The following COL23A1 variants were observed in gnomAD, a reference collection of about 807,000 sequenced individuals.
The protein encoded by COL23A1 is collagen alpha-1(XXIII) chain.
COL23A1 carries 97 observed loss-of-function variants against 99.3 expected under a neutral mutation model. That is an observed-to-expected ratio of 0.98 (90% CI 0.83 to 1.16). The LOEUF (loss-of-function observed/expected upper bound fraction) is 1.16. COL23A1 is among the 50% of genes most tolerant of loss of function. The pLI is 0.00. For missense variants in COL23A1, 762 were observed against 757.4 expected, an observed-to-expected ratio of 1.01 and a Z score of -0.07; for synonymous variants, 320 against 308.2, an observed-to-expected ratio of 1.04 and a Z score of -0.40.
At chr5:178,351,062 G>C (rs1761295591) in intron 2 of COL23A1, 1 of 152,282 alleles carries the variant, frequency 6.6e-6, no homozygotes, top group Admixed American at 6.5e-5. Flanking sequence ...GCTCAGGCAG[G>C]AAAGTCACGC....
intron 2 of COL23A1, among the ~76,000 whole-genome samples, chr5:178,357,750 G>GTATA (rs1761753710): frequency 1.5e-5 from 2 of 133,742 alleles, no homozygotes. Context: ...GTACGTGTAT[G>GTATA]TGTGTGTGTA....
In COL23A1 at chr5:178,258,394, G is replaced by GTTT. The variant is rs59750946; in HGVS notation, c.730-830_730-828dup. On this transcript the variant is annotated intron_variant, in intron 12 of 28. Transcript: ENST00000390654. Reference sequence around the variant, plus strand: ...GAAGGTCTCCTGGAAGATGGGAGAGGTTTTTTTTTTTTTTTTTTTGTAAGG... The same window carrying GTTT: ...GAAGGTCTCCTGGAAGATGGGAGAGGTTTTTTTTTTTTTTTTTTTTTTGTAAGG... 3.6e-4 allele frequency among the ~76,000 whole-genome samples: 39 copies of GTTT among 109,082 alleles called. 1 individual carries two copies. Among genetic ancestry groups the GTTT allele is most frequent in the African/African-American group, 8.3e-4 (26 of 31,278 alleles). The allele number at this position is 109,082 out of a possible 152,430, so 71.6% of individuals were successfully genotyped here.
At chr5:178,249,859 A>G (rs1304881026) in intron 18 of COL23A1, among the ~76,000 whole-genome samples, 1 of 152,130 alleles carries the variant, frequency 6.6e-6, no homozygotes, top group Non-Finnish European at 1.5e-5. Flanking sequence ...CCTGCCTGAG[A>G]GCAGGCAACT....
In COL23A1 at chr5:178,310,417, C is replaced by G. The variant is rs1218103526; in HGVS notation, c.362-3498G>C. ...AGCATGAACTTGGGACCCTTTTCCTCCAGGACTCCCTGTGCCCGCCCCGCA... is the reference window on the plus strand; with the variant it reads ...AGCATGAACTTGGGACCCTTTTCCTGCAGGACTCCCTGTGCCCGCCCCGCA... On this transcript the variant is annotated intron_variant, in intron 2 of 28. Transcript: ENST00000390654. The surrounding 1 kb of genome is among the most constrained non-coding windows in gnomAD (Gnocchi z 4.3). 6.6e-6 allele frequency among the ~76,000 whole-genome samples: 1 copy of G among 152,226 alleles called. No homozygotes were observed. Among genetic ancestry groups the G allele is most frequent in the South Asian group, 2.1e-4 (1 of 4,832 alleles).
intron 2 of COL23A1, among the ~76,000 whole-genome samples, chr5:178,533,672 A>G (rs1439332448): frequency 6.6e-6 from 1 of 151,576 alleles, no homozygotes; most frequent in East Asian, 1.9e-4. Context: ...TAATTTTTGT[A>G]TTTTTTAGTA....
rs971689532 is a variant in COL23A1, at chr5:178,307,071, C to T, written c.362-152G>A. ...TCTGCTGGCTGTGGAGGGGGAGATG[C>T]GTGGGGAGAAACCCCTTCCTTCTGC... On this transcript the variant is annotated intron_variant, in intron 2 of 28. Transcript: ENST00000390654. This position sits in a 1 kb window ranked among gnomAD's most constrained non-coding sequence, Gnocchi z 4.2. The T allele has an allele frequency of 2.3e-5, 12 of 526,586 alleles. No individual in the cohort carries two copies. Among genetic ancestry groups the T allele is most frequent in the East Asian group, 1.1e-4 (3 of 28,310 alleles). 32.6% of individuals were successfully genotyped at this position (526,586 alleles called of 1,614,324 possible). A position where few individuals can be genotyped will look rare whatever the true frequency, so the allele number is the denominator to read the frequency against.
At position 178,310,235 on chromosome 5, in the gene COL23A1, C is replaced by T. The variant is rs1758599426; in HGVS notation, c.362-3316G>A. ...CCACTGCTTCCACCAACAGAGAGGC[C>T]AGGCGGGCTTGGAGACTGGATTGCA... is the stretch of plus-strand genomic sequence containing the variant. On this transcript the variant is annotated intron_variant, in intron 2 of 28. Transcript: ENST00000390654. The surrounding 1 kb of genome is among the most constrained non-coding windows in gnomAD (Gnocchi z 4.3). Among the ~76,000 whole-genome samples the T allele has an allele frequency of 6.6e-6, 1 of 152,162 alleles. No homozygotes were observed. Among genetic ancestry groups the T allele is most frequent in the Non-Finnish European group, 1.5e-5 (1 of 68,032 alleles).
In COL23A1 at chr5:178,380,985, G is replaced by A. The variant is rs139306883; in HGVS notation, c.362-74066C>T. Among the ~76,000 whole-genome samples, 453 of 152,332 alleles carry A rather than the reference G, an allele frequency of 3.0e-3. 4 individuals are homozygous for A. Among genetic ancestry groups the A allele is most frequent in the African/African-American group, 0.01 (432 of 41,586 alleles). The stretch of plus-strand genomic sequence containing the variant: ...AGGCACATCTAGCTAGGCCCATTCC[G>A]ATCCGTGGCCAGTGCTACCAGGCAG... On this transcript the variant is annotated intron_variant, in intron 2 of 28. Transcript: ENST00000390654.
intron 2 of COL23A1, among the ~76,000 whole-genome samples, chr5:178,474,329 G>A (rs1310406670): frequency 5.3e-5 from 8 of 152,184 alleles, no homozygotes; most frequent in South Asian, 2.1e-4. Context: ...CCAAAAACAC[G>A]CAGTCAGTGA....
At chr5:178,419,884 TCTCA>T (rs1355422304) in intron 2 of COL23A1, among the ~76,000 whole-genome samples, 1 of 152,196 alleles carries the variant, frequency 6.6e-6, no homozygotes, top group African/African-American at 2.4e-5. Context: ...CTGTAACCAG[TCTCA>T]CTCTTTCTGT....
chr5:178,256,642 T>C lies in COL23A1; in HGVS notation c.837+224A>G, dbSNP rs112508382. 3.0e-4 allele frequency among the ~76,000 whole-genome samples: 46 copies of C among 152,266 alleles called. 1 individual carries two copies. Among genetic ancestry groups the C allele is most frequent in the African/African-American group, 1.0e-3 (42 of 41,540 alleles). On this transcript the variant is annotated intron_variant, in intron 14 of 28. Coordinates refer to ENST00000390654, the MANE Select transcript of COL23A1 (RefSeq NM_173465.4). ...TGTCCAGGAGCCTGAGGCTGCATGG[T>C]GAGTTGGCCACAAAGCTGGGCACCA... is the stretch of plus-strand genomic sequence containing the variant.
chr5:178,441,325 T>C (rs1166450882), intron 2 of COL23A1, among the ~76,000 whole-genome samples: 3 of 152,190 alleles, frequency 2.0e-5, no homozygotes, highest in Admixed American at 2.0e-4. Context: ...AACTAATACA[T>C]ACACGTGCAT....
intron 1 of COL23A1, among the ~76,000 whole-genome samples, chr5:178,578,123 A>G (rs542235036): frequency 1.4e-5 from 2 of 141,402 alleles, no homozygotes; most frequent in Non-Finnish European, 3.0e-5. Flanking sequence ...ACATTCATGC[A>G]CACACACACA....
chr5:178,274,600 G>A (rs2127569319), intron 5 of COL23A1, among the ~76,000 whole-genome samples: 1 of 152,306 alleles, frequency 6.6e-6, no homozygotes, highest in South Asian at 2.1e-4. Flanking sequence ...CCCTATCTAG[G>A]CAGCCCTCCC....
chr5:178,289,999 C>T (rs1329330660), intron 4 of COL23A1, among the ~76,000 whole-genome samples: 1 of 152,142 alleles, frequency 6.6e-6, no homozygotes, highest in East Asian at 1.9e-4. Flanking sequence ...GGTGCGATCT[C>T]GACTCACTGC....
At chr5:178,373,284 G>C (rs1366183795) in intron 2 of COL23A1, among the ~76,000 whole-genome samples, 1 of 152,202 alleles carries the variant, frequency 6.6e-6, no homozygotes, top group African/African-American at 2.4e-5. Context: ...AACACCACAG[G>C]GTTGCCATGG....
chr5:178,566,444 G>A (rs1196237635), intron 1 of COL23A1, among the ~76,000 whole-genome samples: 1 of 152,236 alleles, frequency 6.6e-6, no homozygotes, highest in Non-Finnish European at 1.5e-5. Context: ...TACTAAAGTT[G>A]TATGGCATAA....
At chr5:178,547,187 ACCC>A (rs1242730025) in intron 2 of COL23A1, among the ~76,000 whole-genome samples, 1 of 151,890 alleles carries the variant, frequency 6.6e-6, no homozygotes, top group African/African-American at 2.4e-5. Flanking sequence ...AGTGGCAAGT[ACCC>A]CGACAGTATC....
intron 2 of COL23A1, among the ~76,000 whole-genome samples, chr5:178,347,111 C>T (rs558824346): frequency 1.2e-3 from 188 of 152,272 alleles, no homozygotes; most frequent in Admixed American, 2.4e-3. Context: ...CTGTCCTCAC[C>T]GCGCACTGAG....
Sources: allele counts gnomAD v4.1 joint callset (sites outside exome capture counted in the v4.1 genomes callset), GRCh38; gene constraint gnomAD v4.1.1; non-coding constraint Gnocchi (gnomAD v3.1); transcripts MANE v1.5; gene names NCBI Gene and HGNC (gene_info 2026-07-23, HGNC 2026-07-21).